Variants in POGLUT1 observed in about 807,000 individuals in gnomAD.
POGLUT1 encodes 9630046K23Rik.
A neutral mutation model predicts 61.3 loss-of-function variants in POGLUT1; 32 were observed. That is an observed-to-expected ratio of 0.52 (90% confidence interval 0.39 to 0.70). The LOEUF (loss-of-function observed/expected upper bound fraction) is 0.70. POGLUT1 is among the 30% of genes least tolerant of loss of function. The pLI, the probability that POGLUT1 is intolerant of heterozygous loss-of-function variation, is 0.00. For synonymous variants in POGLUT1, 158 were observed against 158.2 expected (o/e 1.00, Z 0.01); for missense variants, 411 against 469.8 (o/e 0.87, Z 1.16).
chr3:119,479,456 CT>C (rs1183650893), intron 4 of POGLUT1, among the ~76,000 whole-genome samples: 1 of 152,054 alleles, frequency 6.6e-6, no homozygotes, highest in East Asian at 1.9e-4. Context: ...CAAAATAAAC[CT>C]TTTAGTTAGA....
intron 4 of POGLUT1, chr3:119,478,254 C>T: frequency 2.3e-6 from 1 of 428,122 alleles, no homozygotes; most frequent in South Asian, 1.7e-5. Context: ...AAAAGGAACA[C>T]TATTTCTGAT....
rs567654402 is a variant in POGLUT1, at chr3:119,477,616, A to G, written c.456+168A>G. On this transcript the variant is annotated intron_variant, in intron 4 of 10. Coordinates refer to ENST00000295588, the MANE Select transcript of POGLUT1 (RefSeq NM_152305.3). ...CATCACAGTGATTGAGCAAAAAGAC[A>G]GAGGAGATGAAGTTGAGAGCTGGTA... is the stretch of plus-strand genomic sequence containing the variant. 2.6e-5 allele frequency among the ~76,000 whole-genome samples: 4 copies of G among 152,354 alleles called. No homozygotes were observed. The South Asian group carries it at 8.3e-4, about 32-fold the overall frequency.
At chr3:119,470,446 C>T (rs781440885) in intron 2 of POGLUT1, among the ~76,000 whole-genome samples, 3 of 152,110 alleles carry the variant, frequency 2.0e-5, no homozygotes, top group Non-Finnish European at 2.9e-5. Flanking sequence ...CATGATGGCA[C>T]GTGCCTGTAA....
At chr3:119,476,538 A>G (rs771273941) in intron 3 of POGLUT1, among the ~76,000 whole-genome samples, 20 of 151,920 alleles carry the variant, frequency 1.3e-4, no homozygotes, top group Non-Finnish European at 2.8e-4. Flanking sequence ...CCTTCTGCCT[A>G]AGTCTCCCAA....
intron 2 of POGLUT1, among the ~76,000 whole-genome samples, chr3:119,470,686 G>A (rs982123489): frequency 1.3e-5 from 2 of 152,206 alleles, no homozygotes; most frequent in African/African-American, 2.4e-5. Flanking sequence ...CCCCTGTGCC[G>A]AGCCACTTCA....
intron 4 of POGLUT1, among the ~76,000 whole-genome samples, chr3:119,479,321 T>C (rs2081579855): frequency 6.6e-6 from 1 of 152,230 alleles, no homozygotes; most frequent in Non-Finnish European, 1.5e-5. Context: ...CAAGAATTTA[T>C]TGACCAATCA....
At chr3:119,472,083 G>A (rs1239779146) in intron 3 of POGLUT1, among the ~76,000 whole-genome samples, 1 of 152,198 alleles carries the variant, frequency 6.6e-6, no homozygotes, top group Non-Finnish European at 1.5e-5. Context: ...TGAGACCTGA[G>A]GTACCATGTC....
chr3:119,472,223 T>A (rs12497394), intron 3 of POGLUT1, among the ~76,000 whole-genome samples: 25,121 of 151,028 alleles, frequency 0.17, 2,282 homozygotes, highest in Admixed American at 0.21. Flanking sequence ...TTAACTCAGA[T>A]CTTTATAAAA....
At chr3:119,491,411 A>G in intron 9 of POGLUT1, 107 bp from the exon 10 acceptor site, 1 of 502,744 alleles carries the variant, frequency 2.0e-6, no homozygotes, top group Non-Finnish European at 3.6e-6. Flanking sequence ...ATAATCCACC[A>G]TCCACATACC....
intron 3 of POGLUT1, among the ~76,000 whole-genome samples, chr3:119,472,327 G>A (rs996147133): frequency 1.3e-5 from 2 of 152,008 alleles, no homozygotes; most frequent in African/African-American, 2.4e-5. Context: ...TGAAATAAAT[G>A]TGCAGAGTTG....
At chr3:119,483,375 G>C (rs1309807395) in intron 5 of POGLUT1, among the ~76,000 whole-genome samples, 1 of 152,198 alleles carries the variant, frequency 6.6e-6, no homozygotes, top group Admixed American at 6.5e-5. Flanking sequence ...TATCGTGCAT[G>C]AATGGAAAGG....
rs771885260 is a variant in POGLUT1, at chr3:119,471,359, T to C, written c.227T>C (p.Met76Thr). Residue 76 changes from methionine to threonine, a missense_variant, in exon 3 of 11, where the codon ATG becomes ACG. Physicochemically the swap from Met to Thr is moderately conservative, Grantham distance 81. Coordinates refer to ENST00000295588, the MANE Select transcript of POGLUT1 (RefSeq NM_152305.3). ...TPFRGGISRK[M>T]MAEVVRRKLG... ...TTCCGAGGAGGCATCTCCAGGAAGA[T>C]GATGGCAGAGGTAGTCAGACGGAAG... 20 of 1,613,912 alleles carry C rather than the reference T, an allele frequency of 1.2e-5. No homozygotes were observed. The East Asian group carries it at 4.0e-4, about 32-fold the overall frequency.
Position 119,477,397 on chromosome 3 carries a change from T to A in POGLUT1, c.405T>A (p.Pro135=). 6.2e-7 allele frequency: 1 copy of A among 1,614,168 alleles called. No individual in the cohort carries two copies. Among genetic ancestry groups the A allele is most frequent in the South Asian group, 1.1e-5 (1 of 91,086 alleles). The part of the protein sequence containing the change: ...MEMVINVRDY[P]QVPKWMEPAI... The stretch of plus-strand genomic sequence containing the variant: ...TGGTGATCAATGTACGAGATTATCC[T>A]CAGGTTCCTAAATGGATGGAGCCTG... Residue 135 remains proline (P), a synonymous_variant, in exon 4 of 11, where the codon CCT becomes CCA. Coordinates refer to ENST00000295588, the MANE Select transcript of POGLUT1 (RefSeq NM_152305.3).
chr3:119,472,124 A>C (rs2081480857), intron 3 of POGLUT1, among the ~76,000 whole-genome samples: 1 of 151,958 alleles, frequency 6.6e-6, no homozygotes, highest in Non-Finnish European at 1.5e-5. Flanking sequence ...GTAAGCAGGG[A>C]GGGTCATGGG....
At chr3:119,479,940 T>TGG in intron 4 of POGLUT1, 111 bp from the exon 5 acceptor site, 7 of 1,571,286 alleles carry the variant, frequency 4.5e-6, no homozygotes, top group Non-Finnish European at 6.1e-6. Flanking sequence ...AAATATATCT[T>TGG]TGACAATGTG....
At position 119,480,190 on chromosome 3, in the gene POGLUT1, G is replaced by T. The variant is rs2081589885; in HGVS notation, c.578+18G>T. ...CTGGTAAGGTAGGTCCTTTAAAGAG[G>T]TTTTATTTTTTCTCTTTCTGGGTTT... On this transcript the variant is annotated intron_variant, in intron 5 of 10. Coordinates refer to ENST00000295588, the MANE Select transcript of POGLUT1 (RefSeq NM_152305.3). The T allele has an allele frequency of 4.6e-6, 7 of 1,512,370 alleles. No homozygotes were observed. Among genetic ancestry groups the T allele is most frequent in the East Asian group, 4.8e-5 (2 of 41,732 alleles). 93.7% of individuals were successfully genotyped at this position (1,512,370 alleles called of 1,614,324 possible). A position where few individuals can be genotyped will look rare whatever the true frequency, so the allele number is the denominator to read the frequency against.
intron 5 of POGLUT1, among the ~76,000 whole-genome samples, chr3:119,484,477 T>C (rs758924285): frequency 2.6e-5 from 4 of 152,220 alleles, no homozygotes; most frequent in Non-Finnish European, 4.4e-5. Flanking sequence ...GTCATGGTAA[T>C]GTGTACTGAG....
chr3:119,472,318 GA>G lies in POGLUT1; in HGVS notation c.320+869del, dbSNP rs2081483845. Among the ~76,000 whole-genome samples, 3 of 152,034 alleles carry G rather than the reference GA, an allele frequency of 2.0e-5. No homozygotes were observed. In the South Asian group the frequency reaches 6.2e-4, roughly 31 times the overall value. ...CAATCCCTATTCTGTCATTAAAAGT[GA>G]AATAAATGTGCAGAGTTGCAAAAAA... On this transcript the variant is annotated intron_variant, in intron 3 of 10. Coordinates refer to ENST00000295588, the MANE Select transcript of POGLUT1 (RefSeq NM_152305.3).
rs2081745978 is a variant in POGLUT1, at chr3:119,491,563, G to GAA, written c.1012_1013insAA (p.Ile338LysfsTer27). On this transcript the variant is annotated frameshift_variant, in exon 10 of 11. Coordinates refer to ENST00000295588, the MANE Select transcript of POGLUT1 (RefSeq NM_152305.3). LOFTEE classifies it high-confidence loss of function. ...AAGCAAATGATGATGTAGCTCAAGA[G>GAA]ATTGCTGAAAGGTGAGTTCTGTTCA... is the stretch of plus-strand genomic sequence containing the variant. 1 of 1,557,212 alleles carries GAA rather than the reference G, an allele frequency of 6.4e-7. No homozygotes were observed. The highest frequency in any genetic ancestry group is 2.3e-5 in the East Asian group (1 of 42,622).
Sources: allele counts gnomAD v4.1 joint callset (sites outside exome capture counted in the v4.1 genomes callset), GRCh38; gene constraint gnomAD v4.1.1; transcripts MANE v1.5; gene names NCBI Gene and HGNC (gene_info 2026-07-23, HGNC 2026-07-21).